KCNN2: variants seen among roughly 807,000 people sequenced by gnomAD.
KCNN2 encodes small conductance calcium-activated potassium channel protein 2.
In KCNN2, 24 loss-of-function variants were observed where a neutral mutation model predicts 55.5. The observed-to-expected ratio is 0.43, with a 90% CI of 0.31 to 0.61. KCNN2 has a LOEUF of 0.61. Ranked by LOEUF, KCNN2 falls within the 20% of genes least tolerant of loss-of-function variation. The pLI, the probability that KCNN2 is intolerant of heterozygous loss-of-function variation, is 0.08. For synonymous variants in KCNN2, 431 were observed against 336.1 expected, an observed-to-expected ratio of 1.28 and a Z score of -3.09; for missense variants, 754 against 853.6, an observed-to-expected ratio of 0.88 and a Z score of 1.45.
At chr5:114,201,823 C>T (rs1437495280) in intron 1 of KCNN2, among the ~76,000 whole-genome samples, 1 of 151,682 alleles carries the variant, frequency 6.6e-6, no homozygotes, top group East Asian at 1.9e-4. Flanking sequence ...CATAGGATAG[C>T]CTGGTTTCCC....
chr5:114,493,122 G>A (rs549451045), intron 6 of KCNN2, among the ~76,000 whole-genome samples: 54 of 152,142 alleles, frequency 3.5e-4, no homozygotes, highest in Middle Eastern at 3.4e-3. Context: ...TTCTCATATG[G>A]TTAAATCCTT....
chr5:114,302,022 C>A (rs188192083), intron 2 of KCNN2, among the ~76,000 whole-genome samples: 2 of 152,322 alleles, frequency 1.3e-5, no homozygotes, highest in Admixed American at 1.3e-4. Context: ...CTGTCCGTAT[C>A]TGTCAAACTT....
At chr5:114,256,726 TG>T (rs890308820) in intron 2 of KCNN2, among the ~76,000 whole-genome samples, 1 of 152,112 alleles carries the variant, frequency 6.6e-6, no homozygotes, top group Admixed American at 6.6e-5. Context: ...GATTATTTGT[TG>T]GTTTTTCTTG....
chr5:114,376,334 A>C (rs1757945163), intron 2 of KCNN2, among the ~76,000 whole-genome samples: 1 of 152,224 alleles, frequency 6.6e-6, no homozygotes, highest in Non-Finnish European at 1.5e-5. Flanking sequence ...CGGAACACTC[A>C]GTGGGCCTGC....
intron 1 of KCNN2, among the ~76,000 whole-genome samples, chr5:114,158,618 A>T (rs929160041): frequency 1.3e-5 from 2 of 151,704 alleles, no homozygotes; most frequent in Non-Finnish European, 2.9e-5. Flanking sequence ...CATGATATTG[A>T]TTCTTCCTAC....
intron 1 of KCNN2, among the ~76,000 whole-genome samples, chr5:114,063,575 G>A (rs1305215509): frequency 6.6e-6 from 1 of 152,162 alleles, no homozygotes; most frequent in African/African-American, 2.4e-5. Flanking sequence ...CATACTTCAG[G>A]CAGCACTGGC....
chr5:114,106,154 C>T (rs1751478901), intron 1 of KCNN2, among the ~76,000 whole-genome samples: 1 of 151,646 alleles, frequency 6.6e-6, no homozygotes, highest in Non-Finnish European at 1.5e-5. Context: ...CTACCATTAG[C>T]AGTCTACTTG....
In KCNN2 at chr5:114,487,123, T is replaced by C. The variant is rs1374396758; in HGVS notation, c.1964T>C (p.Ile655Thr). The change falls in exon 6 of 8, where the codon ATA becomes ACA. Residue 655 changes from isoleucine to threonine, a missense_variant. By Grantham distance (89) the Ile-to-Thr change is moderately conservative (BLOSUM62 -1). Around this residue, in one of 4 missense-constraint regions of KCNN2, gnomAD observed 86 missense variants for 233.0 expected, o/e 0.37. Coordinates refer to ENST00000673685, the MANE Select transcript of KCNN2 (RefSeq NM_021614.4). ...IYKNTKLVKK[I>T]DHAKVRKHQR... is the part of the protein sequence containing the mutation. The stretch of plus-strand genomic sequence containing the variant: ...AAAAATACAAAGCTAGTGAAAAAGA[T>C]AGATCATGCAAAAGTAAGAAAACAT... 3 of 1,612,774 alleles carry C rather than the reference T, an allele frequency of 1.9e-6. No homozygotes were observed. Among genetic ancestry groups the C allele is most frequent in the African/African-American group, 1.3e-5 (1 of 74,874 alleles).
At chr5:114,111,033 G>T (rs539350030) in intron 1 of KCNN2, among the ~76,000 whole-genome samples, 107 of 152,170 alleles carry the variant, frequency 7.0e-4, no homozygotes, top group Middle Eastern at 3.4e-3. Context: ...CAATTCCTAA[G>T]CAAAAAGACC....
chr5:114,349,605 G>A (rs1757171903), intron 2 of KCNN2, among the ~76,000 whole-genome samples: 1 of 151,924 alleles, frequency 6.6e-6, no homozygotes, highest in Non-Finnish European at 1.5e-5. Context: ...CAAGCATTCT[G>A]GATAAGGGAT....
In KCNN2 at chr5:114,141,866, T is replaced by A. The variant is rs1752288448; in HGVS notation, c.-270-79614T>A. On this transcript the variant is annotated intron_variant, in intron 1 of 10. Transcript: ENST00000512097. The stretch of plus-strand genomic sequence containing the variant: ...TATCTCATTGTGATTTTGATTTGCA[T>A]TTCTCTGATGGCCAGTGATGATGAG... Among the ~76,000 whole-genome samples the A allele has an allele frequency of 2.0e-5, 3 of 152,226 alleles. No homozygotes were observed. In the South Asian group the frequency reaches 6.2e-4, roughly 32 times the overall value.
intron 2 of KCNN2, among the ~76,000 whole-genome samples, chr5:114,401,843 G>T (rs1244148067): frequency 6.6e-6 from 1 of 152,216 alleles, no homozygotes; most frequent in East Asian, 1.9e-4. Context: ...AAGTTGGAGA[G>T]ATAGGCAAAA....
intron 3 of KCNN2, among the ~76,000 whole-genome samples, chr5:114,408,796 C>T (rs1759027374): frequency 6.6e-6 from 1 of 152,186 alleles, no homozygotes; most frequent in African/African-American, 2.4e-5. Context: ...TTCATCTTAG[C>T]TGTTTTAACC....
At chr5:114,299,266 G>C (rs1427202223) in intron 2 of KCNN2, among the ~76,000 whole-genome samples, 1 of 152,072 alleles carries the variant, frequency 6.6e-6, no homozygotes, top group African/African-American at 2.4e-5. Context: ...CAAATATCCT[G>C]TTGGGAGCAA....
chr5:114,380,299 C>T (rs1758077673), intron 2 of KCNN2, among the ~76,000 whole-genome samples: 1 of 152,144 alleles, frequency 6.6e-6, no homozygotes. Flanking sequence ...TCTGGTGGTC[C>T]ATCTCTGCTG....
intron 1 of KCNN2, among the ~76,000 whole-genome samples, chr5:114,134,258 A>G (rs1752125387): frequency 6.6e-6 from 1 of 151,114 alleles, no homozygotes; most frequent in African/African-American, 2.4e-5. Flanking sequence ...TTCACAGCTT[A>G]TGGGAAAAGC....
At chr5:114,290,406 A>G (rs1001718176) in intron 2 of KCNN2, among the ~76,000 whole-genome samples, 3 of 152,058 alleles carry the variant, frequency 2.0e-5, no homozygotes, top group Admixed American at 1.3e-4. Context: ...TAGTATTATA[A>G]TCCTTTTTAT....
At chr5:114,418,404 T>A (rs1298322871) in intron 3 of KCNN2, among the ~76,000 whole-genome samples, 1 of 152,216 alleles carries the variant, frequency 6.6e-6, no homozygotes, top group Non-Finnish European at 1.5e-5. Flanking sequence ...GGTTCAGCAC[T>A]GCTTGAAACC....
intron 2 of KCNN2, among the ~76,000 whole-genome samples, chr5:114,380,098 A>G (rs1432089892): frequency 4.6e-5 from 7 of 152,026 alleles, no homozygotes; most frequent in Admixed American, 4.6e-4. Flanking sequence ...TTTCCATGAG[A>G]TTATGGGTTG....
Sources: gnomAD v4.1 joint callset for allele counts (sites outside exome capture counted in the v4.1 genomes callset) on GRCh38, gnomAD v4.1.1 for gene constraint, gnomAD v4.1.1 regional missense constraint, MANE v1.5 for transcripts, NCBI Gene and HGNC (gene_info 2026-07-23, HGNC 2026-07-21) for gene names.